Variants in ERCC6L2 observed in about 807,000 individuals in gnomAD.
The protein encoded by ERCC6L2 is DNA excision repair protein ERCC-6-like 2.
A neutral mutation model predicts 132.0 loss-of-function variants in ERCC6L2; 77 were observed. The ratio of observed to expected loss-of-function variants is 0.58; its 90% CI spans 0.49 to 0.71. The LOEUF (loss-of-function observed/expected upper bound fraction) is 0.71, where lower values mean the gene tolerates loss of function less well. ERCC6L2 is among the 30% of genes least tolerant of loss of function. The pLI, the probability that ERCC6L2 is intolerant of heterozygous loss-of-function variation, is 0.00. For missense variants in ERCC6L2, 1,542 were observed against 1,837.6 expected (o/e 0.84, Z 2.94); for synonymous variants, 583 against 632.4 (o/e 0.92, Z 1.17).
intron 1 of ERCC6L2, among the ~76,000 whole-genome samples, chr9:95,878,020 A>G (rs1178627061): frequency 1.3e-5 from 2 of 152,186 alleles, no homozygotes; most frequent in African/African-American, 2.4e-5. Flanking sequence ...AAATGATGAG[A>G]TAGAGAATAA....
intron 2 of ERCC6L2, among the ~76,000 whole-genome samples, chr9:95,887,840 G>A (rs1045098425): frequency 2.6e-5 from 4 of 152,078 alleles, no homozygotes; most frequent in African/African-American, 9.7e-5. Context: ...TAGTAATAAA[G>A]AGAAAAATAA....
At chr9:95,988,287 A>G (rs768889431) in intron 17 of ERCC6L2, among the ~76,000 whole-genome samples, 6 of 152,210 alleles carry the variant, frequency 3.9e-5, no homozygotes, top group African/African-American at 1.4e-4. Flanking sequence ...AATTTGTGAT[A>G]TTTTGCAAAT....
intron 18 of ERCC6L2, among the ~76,000 whole-genome samples, chr9:96,008,030 A>G (rs962960054): frequency 1.3e-5 from 2 of 152,022 alleles, no homozygotes; most frequent in African/African-American, 4.8e-5. Flanking sequence ...GAGAAAGGTG[A>G]CCACCTTCCA....
intron 11 of ERCC6L2, among the ~76,000 whole-genome samples, chr9:95,934,732 G>A (rs901334966): frequency 6.6e-6 from 1 of 152,168 alleles, no homozygotes; most frequent in Non-Finnish European, 1.5e-5. Context: ...TGAGGATTAA[G>A]TTAAGGATTT....
At chr9:95,975,557 C>T (rs1330761218) in intron 16 of ERCC6L2, among the ~76,000 whole-genome samples, 2 of 134,958 alleles carry the variant, frequency 1.5e-5, no homozygotes, top group Non-Finnish European at 3.1e-5. Flanking sequence ...TAGCTTGTGT[C>T]TTCATGTTGG....
chr9:95,877,755 A>G (rs1452362382), intron 1 of ERCC6L2, among the ~76,000 whole-genome samples: 1 of 151,808 alleles, frequency 6.6e-6, no homozygotes, highest in African/African-American at 2.4e-5. Context: ...ACAGTGAGCT[A>G]TAATTGTGCC....
In ERCC6L2 at chr9:95,952,567, A is replaced by T. The variant is rs1275042711; in HGVS notation, c.1848-3347A>T. On this transcript the variant is annotated intron_variant, in intron 12 of 18. Coordinates refer to ENST00000653738, the MANE Select transcript of ERCC6L2 (RefSeq NM_020207.7). ...CATCTTTTTAAAGATGACAAAAACA[A>T]CACATTAAAAATAAAAGGAAACAAG... is the stretch of plus-strand genomic sequence containing the variant. 2.0e-5 allele frequency among the ~76,000 whole-genome samples: 3 copies of T among 152,258 alleles called. No individual in the cohort carries two copies. In the South Asian group the frequency reaches 6.2e-4, roughly 32 times the overall value.
chr9:95,898,751 A>G (rs985478204), intron 3 of ERCC6L2, among the ~76,000 whole-genome samples: 2 of 152,184 alleles, frequency 1.3e-5, no homozygotes, highest in Non-Finnish European at 2.9e-5. Flanking sequence ...CAAGTTTTAA[A>G]ACAGACTCTT....
At chr9:95,877,364 C>T (rs1247106090) in intron 1 of ERCC6L2, among the ~76,000 whole-genome samples, 3 of 150,482 alleles carry the variant, frequency 2.0e-5, no homozygotes, top group Non-Finnish European at 4.4e-5. Flanking sequence ...ACATGCTGTA[C>T]ACTTATCTGA....
At chr9:95,967,034 A>C (rs1028426767) in intron 14 of ERCC6L2, 1 of 181,326 alleles carries the variant, frequency 5.5e-6, no homozygotes, top group African/African-American at 2.3e-5. Flanking sequence ...CTAAAAAAAG[A>C]GGTTTTCCTA....
At position 95,948,814 on chromosome 9, in the gene ERCC6L2, GA is replaced by G. The variant is rs946635291; in HGVS notation, c.1848-7096del. Among the ~76,000 whole-genome samples the G allele has an allele frequency of 3.6e-5, 5 of 139,508 alleles. No homozygotes were observed. The East Asian group carries it at 1.0e-3, about 29-fold the overall frequency. 91.5% of individuals were successfully genotyped at this position (139,508 alleles called of 152,430 possible). A position where few individuals can be genotyped will look rare whatever the true frequency, so the allele number is the denominator to read the frequency against. ...TAGAAAAAAAAAAAAAAAAAGAAAA[GA>G]AAAGAAAGAAAATGAAAATACAGCT... On this transcript the variant is annotated intron_variant, in intron 12 of 18. Coordinates refer to ENST00000653738, the MANE Select transcript of ERCC6L2 (RefSeq NM_020207.7).
At chr9:95,890,979 A>G (rs1157078012) in intron 2 of ERCC6L2, among the ~76,000 whole-genome samples, 1 of 152,158 alleles carries the variant, frequency 6.6e-6, no homozygotes, top group African/African-American at 2.4e-5. Flanking sequence ...TTGGGAGGCT[A>G]AGGTGGGCAG....
intron 12 of ERCC6L2, among the ~76,000 whole-genome samples, chr9:95,951,113 T>G (rs532599786): frequency 4.6e-5 from 7 of 152,318 alleles, no homozygotes; most frequent in Non-Finnish European, 8.8e-5. Flanking sequence ...AAGATTGAAA[T>G]CATTCATTTT....
intron 19 of ERCC6L2, among the ~76,000 whole-genome samples, chr9:96,035,065 AC>A (rs891371270): frequency 7.9e-5 from 12 of 151,040 alleles, no homozygotes; most frequent in South Asian, 4.2e-4. Flanking sequence ...CCTCTACCAC[AC>A]CCCCCATCCC....
intron 19 of ERCC6L2, among the ~76,000 whole-genome samples, chr9:96,036,639 CA>C (rs977985747): frequency 1.4e-4 from 21 of 152,116 alleles, no homozygotes; most frequent in African/African-American, 4.6e-4. Context: ...TGACAGTGCA[CA>C]AGGGTTCCAA....
intron 17 of ERCC6L2, among the ~76,000 whole-genome samples, chr9:95,986,622 G>C (rs772255096): frequency 6.0e-5 from 9 of 150,732 alleles, no homozygotes; most frequent in Non-Finnish European, 1.2e-4. Flanking sequence ...TCAGCCTCCT[G>C]AGTAGCTGGG....
chr9:96,035,457 G>A (rs975155978), intron 19 of ERCC6L2, among the ~76,000 whole-genome samples: 1 of 152,306 alleles, frequency 6.6e-6, no homozygotes, highest in Admixed American at 6.5e-5. Context: ...GCAGGGAGAG[G>A]TTAGAATGGT....
intron 17 of ERCC6L2, among the ~76,000 whole-genome samples, chr9:95,988,597 T>A (rs1312164199): frequency 6.6e-6 from 1 of 152,210 alleles, no homozygotes; most frequent in East Asian, 1.9e-4. Context: ...TCAAAAAACT[T>A]TTTTGGCAAA....
chr9:96,020,296 A>C (rs1482125056), downstream of ERCC6L2: 1 of 168,978 alleles, frequency 5.9e-6, no homozygotes, highest in Non-Finnish European at 1.3e-5. Context: ...TTAAAATTCA[A>C]GGTGAGATTT....
Sources: gnomAD v4.1 joint callset for allele counts (sites outside exome capture counted in the v4.1 genomes callset) on GRCh38, gnomAD v4.1.1 for gene constraint, MANE v1.5 for transcripts, NCBI Gene and HGNC (gene_info 2026-07-23, HGNC 2026-07-21) for gene names.